SCARB1: variants seen among roughly 807,000 people sequenced by gnomAD.
SCARB1 encodes the protein scavenger receptor class B member 1.
Under a neutral mutation model 57.2 loss-of-function variants are expected in SCARB1, and 30 were observed. That is an observed-to-expected ratio of 0.52 (90% CI 0.39 to 0.71). The LOEUF is 0.71. Ranked by LOEUF, SCARB1 falls within the 30% of genes least tolerant of loss-of-function variation. The pLI, the probability that SCARB1 is intolerant of heterozygous loss-of-function variation, is 0.00. For synonymous variants in SCARB1, 249 were observed against 268.3 expected (o/e 0.93, Z 0.70); for missense variants, 543 against 671.2 (o/e 0.81, Z 2.11).
intron 9 of SCARB1, among the ~76,000 whole-genome samples, chr12:124,794,054 A>G (rs1208556886): frequency 6.6e-6 from 1 of 152,250 alleles, no homozygotes. Flanking sequence ...AAAAGACCAC[A>G]TAGTGTATGA....
Position 124,777,065 on chromosome 12 carries a change from C to T in SCARB1, c.*1522G>A, listed in dbSNP as rs1257432802. 2.0e-5 allele frequency: 3 copies of T among 152,150 alleles called. No individual in the cohort carries two copies. Among genetic ancestry groups the T allele is most frequent in the Non-Finnish European group, 4.4e-5 (3 of 68,038 alleles). The allele number at this position is 152,150 out of a possible 1,614,324, so 9.4% of individuals were successfully genotyped here. A position where few individuals can be genotyped will look rare whatever the true frequency, so the allele number is the denominator to read the frequency against. On this transcript the variant is annotated 3_prime_UTR_variant, in exon 13 of 13. Coordinates refer to ENST00000261693, the MANE Select transcript of SCARB1 (RefSeq NM_005505.5). ...AAATGTTCGGCAGTGAATACCCTCTCCTCTCCTAGTTAGATCCCAGCGGGC... is the reference window on the plus strand; with the variant it reads ...AAATGTTCGGCAGTGAATACCCTCTTCTCTCCTAGTTAGATCCCAGCGGGC...
In SCARB1 at chr12:124,863,710, G is replaced by A; in HGVS notation, c.11C>T (p.Ser4Phe). The A allele has an allele frequency of 6.5e-7, 1 of 1,528,934 alleles. No individual in the cohort carries two copies. Among genetic ancestry groups the A allele is most frequent in the Non-Finnish European group, 8.8e-7 (1 of 1,137,472 alleles). The allele number at this position is 1,528,934 out of a possible 1,614,324, so 94.7% of individuals were successfully genotyped here. A position where few individuals can be genotyped will look rare whatever the true frequency, so the allele number is the denominator to read the frequency against. Residue 4 changes from serine (S) to phenylalanine (F), a missense_variant, in exon 1 of 13, where the codon TCC (serine) becomes TTC (phenylalanine). Physicochemically the swap from Ser to Phe is radical, Grantham distance 155. Coordinates refer to ENST00000261693, the MANE Select transcript of SCARB1 (RefSeq NM_005505.5). MGC[S>F]AKARWAAGAL... ...CCCGGCAGCCCAGCGCGCTTTGGCG[G>A]AGCAGCCCATGTCTGCGCGCCTGGG...
chr12:124,844,010 G>A (rs993996912), intron 1 of SCARB1, among the ~76,000 whole-genome samples: 1 of 152,116 alleles, frequency 6.6e-6, no homozygotes, highest in Non-Finnish European at 1.5e-5. Flanking sequence ...GGTGAAAATG[G>A]CTCCCCCTCT....
intron 1 of SCARB1, among the ~76,000 whole-genome samples, chr12:124,819,598 G>A (rs1322067762): frequency 4.6e-5 from 7 of 152,084 alleles, no homozygotes; most frequent in Admixed American, 2.6e-4. Flanking sequence ...GGGCCCCTCA[G>A]TGCCCACACC....
chr12:124,786,135 G>A (rs769063929), intron 11 of SCARB1: 10 of 1,539,874 alleles, frequency 6.5e-6, no homozygotes, highest in Non-Finnish European at 8.7e-6. Flanking sequence ...AGGGTCCCAG[G>A]CCTTCCAGAA....
intron 1 of SCARB1, among the ~76,000 whole-genome samples, chr12:124,863,327 C>A (rs1214831258): frequency 6.6e-6 from 1 of 152,070 alleles, no homozygotes; most frequent in African/African-American, 2.4e-5. Flanking sequence ...CCCGGGTGGT[C>A]TCCCGTCCAG....
chr12:124,831,026 A>G (rs1951366326), intron 1 of SCARB1, among the ~76,000 whole-genome samples: 1 of 147,942 alleles, frequency 6.8e-6, no homozygotes, highest in Non-Finnish European at 1.5e-5. Flanking sequence ...CCCAGGCTGG[A>G]GTGCAGTGGC....
At chr12:124,780,401 C>A (rs959175053) in intron 12 of SCARB1, among the ~76,000 whole-genome samples, 6 of 152,220 alleles carry the variant, frequency 3.9e-5, no homozygotes, top group Non-Finnish European at 7.3e-5. Context: ...CCAAGCAAGG[C>A]AGCCCCTCAG....
At chr12:124,851,036 G>A (rs1276713526) in intron 1 of SCARB1, among the ~76,000 whole-genome samples, 1 of 152,178 alleles carries the variant, frequency 6.6e-6, no homozygotes, top group African/African-American at 2.4e-5. Context: ...CATTACTCGA[G>A]CCACAGCAAT....
chr12:124,840,187 T>TC (rs1422352851), intron 1 of SCARB1, among the ~76,000 whole-genome samples: 9 of 136,746 alleles, frequency 6.6e-5, no homozygotes, highest in Non-Finnish European at 1.2e-4. Flanking sequence ...CTATCTGCAT[T>TC]TTTTTTTTTT....
At chr12:124,860,011 C>T (rs1313871950) in intron 1 of SCARB1, among the ~76,000 whole-genome samples, 2 of 140,574 alleles carry the variant, frequency 1.4e-5, no homozygotes, top group South Asian at 2.2e-4. Flanking sequence ...AGGGCAGTGG[C>T]GTGATCTCAG....
At chr12:124,780,324 G>A (rs1873197680) in intron 12 of SCARB1, among the ~76,000 whole-genome samples, 2 of 152,194 alleles carry the variant, frequency 1.3e-5, no homozygotes, top group Admixed American at 1.3e-4. Flanking sequence ...CCTACAGCAG[G>A]CCTCATCTGC....
Position 124,807,671 on chromosome 12 carries a change from A to G in SCARB1, c.1009+90T>C. 8.0e-7 allele frequency: 1 copy of G among 1,255,380 alleles called. No individual in the cohort carries two copies. The highest frequency in any genetic ancestry group is 1.1e-6 in the Non-Finnish European group (1 of 870,736). The allele number at this position is 1,255,380 out of a possible 1,614,324, so 77.8% of individuals were successfully genotyped here. ...GGATTATCAAGAGTACAGAGGCCAGAGATTAAGCAGACAGCACTGGGCAGA... is the reference window on the plus strand; with the variant it reads ...GGATTATCAAGAGTACAGAGGCCAGGGATTAAGCAGACAGCACTGGGCAGA... On this transcript the variant is annotated intron_variant, in intron 7 of 12. Coordinates refer to ENST00000261693, the MANE Select transcript of SCARB1 (RefSeq NM_005505.5). This position sits in a 1 kb window ranked among gnomAD's most constrained non-coding sequence, Gnocchi z 5.3.
At position 124,808,021 on chromosome 12, in the gene SCARB1, C is replaced by G; in HGVS notation, c.843-94G>C. The G allele has an allele frequency of 1.8e-5, 23 of 1,283,452 alleles. No homozygotes were observed. The South Asian group carries it at 2.7e-4, about 15-fold the overall frequency. 79.5% of individuals were successfully genotyped at this position (1,283,452 alleles called of 1,614,324 possible). On this transcript the variant is annotated intron_variant, in intron 6 of 12. Coordinates refer to ENST00000261693, the MANE Select transcript of SCARB1 (RefSeq NM_005505.5). ...CTGCCCAGATCCAGCCACTTCTCCC[C>G]ACGGGCGCTACCACCTCCCGGGTCC...
chr12:124,831,965 C>A (rs1422969721), intron 1 of SCARB1, among the ~76,000 whole-genome samples: 2 of 152,154 alleles, frequency 1.3e-5, no homozygotes, highest in African/African-American at 4.8e-5. Flanking sequence ...TGAGAACCCA[C>A]AGAGACCAGA....
intron 6 of SCARB1, among the ~76,000 whole-genome samples, chr12:124,809,973 C>G (rs1204627566): frequency 6.6e-6 from 1 of 152,246 alleles, no homozygotes. Flanking sequence ...CACCAGCAGC[C>G]TCTCTTTGGG....
intron 1 of SCARB1, among the ~76,000 whole-genome samples, chr12:124,857,201 A>G (rs1413667718): frequency 6.6e-6 from 1 of 152,170 alleles, no homozygotes; most frequent in African/African-American, 2.4e-5. Flanking sequence ...GCTTGGAGCT[A>G]TGTGACATGG....
At chr12:124,788,057 G>C (rs1393567041) in intron 9 of SCARB1, among the ~76,000 whole-genome samples, 1 of 152,034 alleles carries the variant, frequency 6.6e-6, no homozygotes, top group Non-Finnish European at 1.5e-5. Flanking sequence ...TGCTATACAG[G>C]GTTCAGTACT....
intron 1 of SCARB1, among the ~76,000 whole-genome samples, chr12:124,846,433 C>T (rs1274812032): frequency 6.6e-6 from 1 of 152,048 alleles, no homozygotes; most frequent in African/African-American, 2.4e-5. Context: ...CAGAAGTGAA[C>T]ACAGTCACCG....
Sources: allele counts gnomAD v4.1 joint callset (sites outside exome capture counted in the v4.1 genomes callset), GRCh38; gene constraint gnomAD v4.1.1; non-coding constraint Gnocchi (gnomAD v3.1); transcripts MANE v1.5; gene names NCBI Gene and HGNC (gene_info 2026-07-23, HGNC 2026-07-21).